The following HDGFL3 variants were observed in gnomAD, a reference collection of about 807,000 sequenced individuals.
HDGFL3 encodes hepatoma-derived growth factor-related protein 3.
HDGFL3 carries 6 observed loss-of-function variants against 27.6 expected under a neutral mutation model. That is an observed-to-expected ratio of 0.22 (90% confidence interval 0.12 to 0.43). HDGFL3 has a LOEUF of 0.43. HDGFL3 is among the 20% of genes least tolerant of loss of function. HDGFL3 has a pLI of 1.00. For synonymous variants in HDGFL3, 88 were observed against 88.9 expected (o/e 0.99, Z 0.05); for missense variants, 207 against 250.1 (o/e 0.83, Z 1.16).
rs1198802521 is a variant in HDGFL3 at position 83,132,608 on chromosome 15, G to C, written c.*6662C>G. 3 of 152,000 alleles carry C rather than the reference G, an allele frequency of 2.0e-5. No homozygotes were observed. The highest frequency in any genetic ancestry group is 4.4e-5 in the Non-Finnish European group (3 of 68,012). 9.4% of individuals were successfully genotyped at this position (152,000 alleles called of 1,614,324 possible). On this transcript the variant is annotated 3_prime_UTR_variant, in exon 6 of 6. Transcript: ENST00000299633. ...AGGGTCTTGCTATGTTGCCCAGGCT[G>C]GTCTCAAACTCCTGGACTCAAGTGA...
chr15:83,151,868 T>A (rs2036967625), intron 4 of HDGFL3, among the ~76,000 whole-genome samples: 1 of 152,248 alleles, frequency 6.6e-6, no homozygotes, highest in Admixed American at 6.5e-5. Context: ...ATCATCTTGA[T>A]AAAACTGTTT....
intron 3 of HDGFL3, among the ~76,000 whole-genome samples, chr15:83,121,504 A>G (rs2151360703): frequency 6.6e-6 from 1 of 152,328 alleles, no homozygotes; most frequent in African/African-American, 2.4e-5. Flanking sequence ...TGACCCCAGA[A>G]AAAGTCCATT....
At chr15:83,154,876 T>C (rs563078213) in intron 4 of HDGFL3, among the ~76,000 whole-genome samples, 22 of 152,262 alleles carry the variant, frequency 1.4e-4, no homozygotes, top group African/African-American at 2.6e-4. Flanking sequence ...TTCTTTTTTT[T>C]CCCCCCTTTT....
intron 4 of HDGFL3, among the ~76,000 whole-genome samples, chr15:83,151,908 C>G (rs1252609767): frequency 1.3e-5 from 2 of 152,178 alleles, no homozygotes; most frequent in Admixed American, 6.5e-5. Context: ...AATTGTGGAG[C>G]ATTATTTAAG....
chr15:83,188,062 T>C (rs1477639773), intron 1 of HDGFL3, among the ~76,000 whole-genome samples: 1 of 152,160 alleles, frequency 6.6e-6, no homozygotes. Flanking sequence ...ATAATTTACA[T>C]TTCAACCAAA....
At chr15:83,195,352 T>C (rs2037556767) in intron 1 of HDGFL3, among the ~76,000 whole-genome samples, 1 of 152,162 alleles carries the variant, frequency 6.6e-6, no homozygotes, top group Admixed American at 6.5e-5. Context: ...ATGTAGATTT[T>C]TTTTTGCACC....
rs930707541 is a variant in HDGFL3 at position 83,134,827 on chromosome 15, C to T, written c.*4443G>A. On this transcript the variant is annotated 3_prime_UTR_variant, in exon 6 of 6. Transcript: ENST00000299633. ...GCTTGGTTATATATTCAGAAAAACA[C>T]TATTATTCAAAACAGGCCCTAAGGA... 1 of 152,218 alleles carries T rather than the reference C, an allele frequency of 6.6e-6. No homozygotes were observed. The highest frequency in any genetic ancestry group is 1.5e-5 in the Non-Finnish European group (1 of 68,046). The allele number at this position is 152,218 out of a possible 1,614,324, so 9.4% of individuals were successfully genotyped here. A position where few individuals can be genotyped will look rare whatever the true frequency, so the allele number is the denominator to read the frequency against.
chr15:83,203,602 C>T (rs981972741), intron 1 of HDGFL3, among the ~76,000 whole-genome samples: 24 of 151,930 alleles, frequency 1.6e-4, no homozygotes, highest in African/African-American at 4.6e-4. Context: ...AAAATCTCTT[C>T]GGAAGTTAAG....
chr15:83,149,688 C>T (rs2036940201), intron 5 of HDGFL3, among the ~76,000 whole-genome samples: 1 of 152,018 alleles, frequency 6.6e-6, no homozygotes, highest in African/African-American at 2.4e-5. Flanking sequence ...TGGGTTAAGT[C>T]ATCAGGAGGA....
chr15:83,198,845 CCT>C (rs1265400474), intron 1 of HDGFL3, among the ~76,000 whole-genome samples: 1 of 152,182 alleles, frequency 6.6e-6, no homozygotes, highest in Non-Finnish European at 1.5e-5. Flanking sequence ...TACCCAAACA[CCT>C]CTCGCTAGAA....
At chr15:83,191,583 T>A (rs2037511285) in intron 1 of HDGFL3, among the ~76,000 whole-genome samples, 1 of 152,214 alleles carries the variant, frequency 6.6e-6, no homozygotes, top group African/African-American at 2.4e-5. Flanking sequence ...AATTGTAAGT[T>A]TAAGACTTTA....
intron 4 of HDGFL3, among the ~76,000 whole-genome samples, chr15:83,153,375 T>A (rs1238944156): frequency 6.6e-6 from 1 of 152,046 alleles, no homozygotes; most frequent in African/African-American, 2.4e-5. Flanking sequence ...TCATAAAGGA[T>A]CTTTATGAGT....
Position 83,138,961 on chromosome 15 carries a change from A to T in HDGFL3, c.*309T>A, listed in dbSNP as rs188723686. The T allele has an allele frequency of 4.3e-4, 94 of 220,418 alleles. No homozygotes were observed. The highest frequency in any genetic ancestry group is 2.1e-3 in the African/African-American group (93 of 44,684). 13.7% of individuals were successfully genotyped at this position (220,418 alleles called of 1,614,324 possible). A position where few individuals can be genotyped will look rare whatever the true frequency, so the allele number is the denominator to read the frequency against. On this transcript the variant is annotated 3_prime_UTR_variant, in exon 6 of 6. Transcript: ENST00000299633. ...GTCAAGGCAGGAAAACGATGATCATAACTGCCTTGATAAAAGGATCCTAGA... is the reference window on the plus strand; with the variant it reads ...GTCAAGGCAGGAAAACGATGATCATTACTGCCTTGATAAAAGGATCCTAGA...
At chr15:83,204,921 C>T (rs949646791) in intron 1 of HDGFL3, among the ~76,000 whole-genome samples, 2 of 152,202 alleles carry the variant, frequency 1.3e-5, no homozygotes, top group African/African-American at 4.8e-5. Flanking sequence ...CAAACATCTT[C>T]CCTAGAGCAA....
At chr15:83,192,182 T>A (rs1453154328) in intron 1 of HDGFL3, 5 of 402,050 alleles carry the variant, frequency 1.2e-5, no homozygotes, top group African/African-American at 2.1e-5. Flanking sequence ...CCTCAGGTGA[T>A]CCACCTGCCT....
chr15:83,155,601 C>A (rs745944364), intron 4 of HDGFL3, among the ~76,000 whole-genome samples: 1 of 152,176 alleles, frequency 6.6e-6, no homozygotes, highest in Non-Finnish European at 1.5e-5. Flanking sequence ...CAAACTTTAT[C>A]CCCATCCAAG....
At chr15:83,142,443 G>A (rs573677173) in intron 5 of HDGFL3, among the ~76,000 whole-genome samples, 2 of 152,172 alleles carry the variant, frequency 1.3e-5, no homozygotes, top group African/African-American at 2.4e-5. Context: ...CAGATACCGC[G>A]TGTTCTTGCT....
At chr15:83,148,493 G>C (rs112662756) in intron 5 of HDGFL3, among the ~76,000 whole-genome samples, 6,872 of 152,012 alleles carry the variant, frequency 0.045, 216 homozygotes, top group Non-Finnish European at 0.069. Flanking sequence ...GTGGTGGTGG[G>C]TGCCTGTAGT....
At chr15:83,164,269 C>T (rs1454574081) in intron 1 of HDGFL3, among the ~76,000 whole-genome samples, 194 bp from the exon 2 acceptor site, 1 of 142,286 alleles carries the variant, frequency 7.0e-6, no homozygotes, top group East Asian at 2.2e-4. Flanking sequence ...GGATTACAAC[C>T]ATTATAATAA....
Sources: gnomAD v4.1 joint callset for allele counts (sites outside exome capture counted in the v4.1 genomes callset) on GRCh38, gnomAD v4.1.1 for gene constraint, MANE v1.5 for transcripts, NCBI Gene and HGNC (gene_info 2026-07-23, HGNC 2026-07-21) for gene names.